JKAMP: variants seen among roughly 807,000 people sequenced by gnomAD.
JKAMP encodes JNK1/MAPK8-associated membrane protein.
JKAMP carries 20 observed loss-of-function variants against 40.2 expected under a neutral mutation model. The ratio of observed to expected loss-of-function variants is 0.50; its 90% CI spans 0.35 to 0.72. The LOEUF is 0.72. JKAMP is among the 30% of genes least tolerant of loss of function. The pLI, the probability that JKAMP is intolerant of heterozygous loss-of-function variation, is 0.01. For synonymous variants in JKAMP, 138 were observed against 131.6 expected (o/e 1.05, Z -0.33); for missense variants, 276 against 373.0 (o/e 0.74, Z 2.14).
intron 3 of JKAMP, among the ~76,000 whole-genome samples, chr14:59,489,753 A>G (rs893478096): frequency 6.6e-6 from 1 of 152,174 alleles, no homozygotes; most frequent in Non-Finnish European, 1.5e-5. Flanking sequence ...CATGAAGCAT[A>G]GTACTGGCAT....
At chr14:59,496,972 G>A (rs1409651575) in intron 4 of JKAMP, among the ~76,000 whole-genome samples, 2 of 149,932 alleles carry the variant, frequency 1.3e-5, no homozygotes, top group African/African-American at 4.9e-5. Context: ...TCCGAAGGTT[G>A]TAGGGCTACC....
rs1197444203 is a variant in JKAMP, at chr14:59,484,922, G to C, written c.4+329G>C. 4 of 1,456,844 alleles carry C rather than the reference G, an allele frequency of 2.7e-6. No homozygotes were observed. The African/African-American group carries it at 5.7e-5, about 21-fold the overall frequency. The allele number at this position is 1,456,844 out of a possible 1,614,324, so 90.2% of individuals were successfully genotyped here. On this transcript the variant is annotated intron_variant, in intron 1 of 6. Coordinates refer to ENST00000616435, the MANE Select transcript of JKAMP (RefSeq NM_016475.5). ...CGGAATTGAAAACGCGGGTGATAGTGCAGAAAAAACAGTAAAGCAGAAGCA... is the reference window on the plus strand; with the variant it reads ...CGGAATTGAAAACGCGGGTGATAGTCCAGAAAAAACAGTAAAGCAGAAGCA...
Position 59,504,107 on chromosome 14 carries a change from T to C in JKAMP, c.*35T>C, listed in dbSNP as rs751749756. ...TGTGAAATGCCAAAAACCTGAGAAG[T>C]GCTCCTAATAAAAAAGTAAATCAAT... On this transcript the variant is annotated 3_prime_UTR_variant, in exon 7 of 7. Transcript: ENST00000616435. 3.1e-6 allele frequency: 4 copies of C among 1,295,442 alleles called. No homozygotes were observed. The East Asian group carries it at 9.2e-5, about 30-fold the overall frequency. The allele number at this position is 1,295,442 out of a possible 1,614,324, so 80.2% of individuals were successfully genotyped here.
intron 6 of JKAMP, among the ~76,000 whole-genome samples, chr14:59,502,287 G>A (rs1299938520): frequency 3.9e-5 from 6 of 152,290 alleles, no homozygotes; most frequent in African/African-American, 1.4e-4. Context: ...TCTAGAGGAA[G>A]CAGAAGTATA....
intron 3 of JKAMP, among the ~76,000 whole-genome samples, chr14:59,493,084 C>T (rs1891153971): frequency 6.6e-6 from 1 of 152,088 alleles, no homozygotes; most frequent in Non-Finnish European, 1.5e-5. Flanking sequence ...AGGCGTGAGC[C>T]ACCACGCCCA....
chr14:59,489,686 G>A (rs1890841958), intron 3 of JKAMP, among the ~76,000 whole-genome samples: 1 of 152,174 alleles, frequency 6.6e-6, no homozygotes, highest in Admixed American at 6.5e-5. Flanking sequence ...GAATACCTGA[G>A]ACTGGGTAAT....
rs1038996867 is a variant in JKAMP at position 59,505,157 on chromosome 14, C to T, written c.*1085C>T. On this transcript the variant is annotated 3_prime_UTR_variant, in exon 7 of 7. Coordinates refer to ENST00000616435, the MANE Select transcript of JKAMP (RefSeq NM_016475.5). ...TTTAAATGTTTAAGACTTCTATTAA[C>T]AGCTGCAAAATATGAAAGTAAGTGC... 6 of 609,712 alleles carry T rather than the reference C, an allele frequency of 9.8e-6. No homozygotes were observed. The Admixed American group carries it at 1.7e-4, about 17-fold the overall frequency. 37.8% of individuals were successfully genotyped at this position (609,712 alleles called of 1,614,324 possible).
intron 3 of JKAMP, among the ~76,000 whole-genome samples, chr14:59,493,531 A>G (rs187041595): frequency 7.9e-5 from 12 of 152,352 alleles, no homozygotes; most frequent in Admixed American, 2.0e-4. Context: ...GCAATGATAC[A>G]TAATGGAAAC....
intron 3 of JKAMP, among the ~76,000 whole-genome samples, chr14:59,492,095 G>C (rs1293313532): frequency 6.6e-6 from 1 of 152,152 alleles, no homozygotes; most frequent in Non-Finnish European, 1.5e-5. Flanking sequence ...AGAGGACACA[G>C]ATAATGGACT....
Position 59,484,558 on chromosome 14 carries a change from A to G in JKAMP, c.-32A>G, listed in dbSNP as rs1337082012. 2 of 1,568,568 alleles carry G rather than the reference A, an allele frequency of 1.3e-6. No individual in the cohort carries two copies. The highest frequency in any genetic ancestry group is 1.4e-5 in the African/African-American group (1 of 73,620). On this transcript the variant is annotated 5_prime_UTR_variant, in exon 1 of 7. Coordinates refer to ENST00000616435, the MANE Select transcript of JKAMP (RefSeq NM_016475.5). Reference sequence around the variant, plus strand: ...GTGCAGCTGCCAGATCCGCTGATCTAGTGCTTCTCGAAAAAAACCTTCAGG... The same window carrying G: ...GTGCAGCTGCCAGATCCGCTGATCTGGTGCTTCTCGAAAAAAACCTTCAGG...
Position 59,504,969 on chromosome 14 carries a change from T to A in JKAMP, c.*897T>A, listed in dbSNP as rs1291043478. 8.1e-6 allele frequency: 2 copies of A among 247,876 alleles called. No homozygotes were observed. The highest frequency in any genetic ancestry group is 1.5e-5 in the Non-Finnish European group (2 of 130,042). The allele number at this position is 247,876 out of a possible 1,614,324, so 15.4% of individuals were successfully genotyped here. A position where few individuals can be genotyped will look rare whatever the true frequency, so the allele number is the denominator to read the frequency against. ...GGTTTGTGGTTTGTGATAGGTGTTC[T>A]GTGATGTTTATGCTTTGAAGGCCTT... On this transcript the variant is annotated 3_prime_UTR_variant, in exon 7 of 7. Transcript: ENST00000616435.
chr14:59,486,907 A>G (rs1190817765), intron 2 of JKAMP, 103 bp downstream of exon 2: 1 of 843,490 alleles, frequency 1.2e-6, no homozygotes, highest in African/African-American at 1.7e-5. Flanking sequence ...TAATTTATAA[A>G]AGAATATGGA....
At chr14:59,484,931 A>C (rs1890411827) in intron 1 of JKAMP, 2 of 1,468,524 alleles carry the variant, frequency 1.4e-6, no homozygotes, top group South Asian at 1.4e-5. Context: ...TGCAGAAAAA[A>C]CAGTAAAGCA....
chr14:59,503,164 G>A (rs17255814), intron 6 of JKAMP, among the ~76,000 whole-genome samples: 9,448 of 152,140 alleles, frequency 0.062, 388 homozygotes, highest in Middle Eastern at 0.11. Flanking sequence ...ACATACTTCA[G>A]TTAGCATGAA....
chr14:59,491,646 A>C (rs1339970826), intron 3 of JKAMP, among the ~76,000 whole-genome samples: 1 of 152,248 alleles, frequency 6.6e-6, no homozygotes, highest in Admixed American at 6.5e-5. Flanking sequence ...ACCTGCATGA[A>C]ATAACTAAAG....
intron 6 of JKAMP, among the ~76,000 whole-genome samples, chr14:59,501,917 A>T (rs1891910437): frequency 6.6e-6 from 1 of 152,148 alleles, no homozygotes; most frequent in South Asian, 2.1e-4. Context: ...TTTTTGGCCA[A>T]AAAAGTATCT....
At chr14:59,497,887 C>A (rs758259958) in intron 4 of JKAMP, among the ~76,000 whole-genome samples, 23 of 152,086 alleles carry the variant, frequency 1.5e-4, no homozygotes, top group Non-Finnish European at 2.6e-4. Flanking sequence ...CTAGGACACT[C>A]CCCTGTATAG....
At chr14:59,499,661 G>A (rs559850254) in intron 5 of JKAMP, among the ~76,000 whole-genome samples, 1 of 152,256 alleles carries the variant, frequency 6.6e-6, no homozygotes, top group South Asian at 2.1e-4. Flanking sequence ...TCCCAAGGAT[G>A]TTGGACACCA....
At chr14:59,494,404 A>C (rs879511828) in intron 3 of JKAMP, among the ~76,000 whole-genome samples, 4 of 152,206 alleles carry the variant, frequency 2.6e-5, no homozygotes, top group African/African-American at 4.8e-5. Context: ...TATAAGCAAT[A>C]ACATGGATGA....
Sources: allele counts gnomAD v4.1 joint callset (sites outside exome capture counted in the v4.1 genomes callset), GRCh38; gene constraint gnomAD v4.1.1; transcripts MANE v1.5; gene names NCBI Gene and HGNC (gene_info 2026-07-23, HGNC 2026-07-21).